Variants in ZNF385D observed in about 807,000 individuals in gnomAD.
The protein encoded by ZNF385D is zinc finger protein 385D, also known as zinc finger protein 659.
Under a neutral mutation model 35.8 loss-of-function variants are expected in ZNF385D, and 15 were observed. The ratio of observed to expected loss-of-function variants is 0.42; its 90% CI spans 0.28 to 0.64. The LOEUF is 0.64. Among genes scored for constraint, ZNF385D ranks in the 30% least tolerant of loss-of-function variants. The probability of loss-of-function intolerance (pLI) is 0.23; values close to 1 mark genes in which losing one functional copy is unlikely to be tolerated. For synonymous variants in ZNF385D, 212 were observed against 186.8 expected (o/e 1.13, Z -1.10); for missense variants, 474 against 494.6 (o/e 0.96, Z 0.39).
At chr3:22,222,801 T>A (rs1016263952) in intron 2 of ZNF385D, among the ~76,000 whole-genome samples, 4 of 152,198 alleles carry the variant, frequency 2.6e-5, no homozygotes, top group Non-Finnish European at 4.4e-5. Flanking sequence ...GCAGTTTAGA[T>A]AAAGAATGAC....
chr3:21,982,140 C>G (rs748149758), intron 3 of ZNF385D, among the ~76,000 whole-genome samples: 1 of 148,686 alleles, frequency 6.7e-6, no homozygotes, highest in Non-Finnish European at 1.5e-5. Flanking sequence ...AGGAGTAGCC[C>G]TGAATTTGTA....
chr3:22,212,161 C>A (rs1259115990), intron 2 of ZNF385D, among the ~76,000 whole-genome samples: 1 of 151,872 alleles, frequency 6.6e-6, no homozygotes, highest in Non-Finnish European at 1.5e-5. Flanking sequence ...CCAGTTATTC[C>A]CAGAAGAGTG....
At chr3:22,245,812 A>T (rs1559476100) in intron 2 of ZNF385D, among the ~76,000 whole-genome samples, 1 of 152,076 alleles carries the variant, frequency 6.6e-6, no homozygotes, top group Non-Finnish European at 1.5e-5. Flanking sequence ...AGGCAAGATG[A>T]TAAACTTCCT....
In ZNF385D at chr3:21,415,353, C is replaced by T. The variant is rs888830446; in HGVS notation, c.*5861G>A. ...TGTGAAATGATACAATTGTATGACCCAACTCAAACTGTTAGCATAATAGTC... is the reference window on the plus strand; with the variant it reads ...TGTGAAATGATACAATTGTATGACCTAACTCAAACTGTTAGCATAATAGTC... On this transcript the variant is annotated 3_prime_UTR_variant, in exon 8 of 8. Coordinates refer to ENST00000281523, the MANE Select transcript of ZNF385D (RefSeq NM_024697.3). 7.9e-5 allele frequency: 12 copies of T among 151,980 alleles called. No homozygotes were observed. The highest frequency in any genetic ancestry group is 1.3e-4 in the Non-Finnish European group (9 of 67,996). The allele number at this position is 151,980 out of a possible 1,614,324, so 9.4% of individuals were successfully genotyped here.
intron 3 of ZNF385D, among the ~76,000 whole-genome samples, chr3:21,993,258 A>C (rs1354577777): frequency 3.3e-5 from 5 of 152,204 alleles, no homozygotes; most frequent in Non-Finnish European, 5.9e-5. Flanking sequence ...AGAATGTTAC[A>C]AAACTCCAAG....
At position 21,597,360 on chromosome 3, in the gene ZNF385D, C is replaced by CAA. The variant is rs139400366; in HGVS notation, c.166-32678_166-32677dup. ...CAACGTATGTTAAAAACTGTTAATTCAAAAAAAAAAGAAAAATAAAAGAAT... is the reference window on the plus strand; with the variant it reads ...CAACGTATGTTAAAAACTGTTAATTCAAAAAAAAAAAAGAAAAATAAAAGAAT... On this transcript the variant is annotated intron_variant, in intron 2 of 7. Transcript: ENST00000281523. Among the ~76,000 whole-genome samples the CAA allele has an allele frequency of 8.9e-3, 1,292 of 145,944 alleles. 7 individuals are homozygous for CAA. Among genetic ancestry groups the CAA allele is most frequent in the Middle Eastern group, 0.014 (4 of 284 alleles).
At chr3:21,563,858 C>T (rs763636728) in intron 3 of ZNF385D, among the ~76,000 whole-genome samples, 3 of 152,194 alleles carry the variant, frequency 2.0e-5, no homozygotes, top group Middle Eastern at 3.4e-3. Flanking sequence ...AGAAGACATA[C>T]ATTTTTTTTT....
intron 3 of ZNF385D, among the ~76,000 whole-genome samples, chr3:22,156,383 A>C (rs992997972): frequency 6.6e-6 from 1 of 151,564 alleles, no homozygotes; most frequent in Admixed American, 6.6e-5. Flanking sequence ...TGGTGTACAC[A>C]GCCCCCCTGC....
chr3:21,424,036 C>T lies in ZNF385D; in HGVS notation c.881G>A (p.Arg294Lys). ...QHISSRRHKDRAAGKPPKPKY... is the reference protein window; with the variant it reads ...QHISSRRHKDKAAGKPPKPKY... ...AGGTTTCGGGGGCTTCCCAGCAGCT[C>T]TGTCTTTGTGCCTTCTACTGCTAAT... Residue 294 changes from arginine to lysine, a missense_variant, in exon 7 of 8, where the codon AGA becomes AAA. By Grantham distance (26) the Arg-to-Lys change is conservative. Coordinates refer to ENST00000281523, the MANE Select transcript of ZNF385D (RefSeq NM_024697.3). The T allele has an allele frequency of 6.2e-7, 1 of 1,601,980 alleles. No homozygotes were observed. Among genetic ancestry groups the T allele is most frequent in the Non-Finnish European group, 8.5e-7 (1 of 1,176,126 alleles).
At position 21,866,920 on chromosome 3, in the gene ZNF385D, G is replaced by A. The variant is rs189599869; in HGVS notation, c.326-201892C>T. ...ATCAGTGCCTATTAGAATGAAATGA[G>A]GAGACTTAAAAAATACCAAGGCCAG... On this transcript the variant is annotated intron_variant, in intron 3 of 5. Transcript: ENST00000494108. Among the ~76,000 whole-genome samples the A allele has an allele frequency of 5.0e-3, 757 of 152,200 alleles. 7 individuals are homozygous for A. Among genetic ancestry groups the A allele is most frequent in the African/African-American group, 0.018 (732 of 41,554 alleles).
At chr3:22,189,889 C>T (rs1356172974) in intron 2 of ZNF385D, among the ~76,000 whole-genome samples, 1 of 152,136 alleles carries the variant, frequency 6.6e-6, no homozygotes. Flanking sequence ...CAAGCATTTC[C>T]TTCCAAATGA....
At chr3:22,105,123 G>A (rs1249791393) in intron 3 of ZNF385D, among the ~76,000 whole-genome samples, 3 of 152,062 alleles carry the variant, frequency 2.0e-5, no homozygotes, top group South Asian at 2.1e-4. Flanking sequence ...ACAGTCTAAT[G>A]TACTTATCTA....
chr3:21,829,603 G>A (rs1362895008), intron 3 of ZNF385D, among the ~76,000 whole-genome samples: 1 of 149,506 alleles, frequency 6.7e-6, no homozygotes, highest in Non-Finnish European at 1.5e-5. Context: ...TCGAGAAGAT[G>A]ACTTTTCTTG....
At chr3:22,004,959 T>C (rs1696102231) in intron 3 of ZNF385D, among the ~76,000 whole-genome samples, 1 of 148,132 alleles carries the variant, frequency 6.8e-6, no homozygotes, top group Non-Finnish European at 1.5e-5. Context: ...TTTTCACAGA[T>C]GGGTGTCCTT....
At chr3:21,587,651 A>C (rs2063849364) in intron 2 of ZNF385D, among the ~76,000 whole-genome samples, 1 of 152,206 alleles carries the variant, frequency 6.6e-6, no homozygotes, top group Admixed American at 6.5e-5. Context: ...AGAGTTTTAA[A>C]ATGTGTTCAG....
chr3:21,425,399 A>G, intron 6 of ZNF385D, 93 bp downstream of exon 6: 1 of 1,345,486 alleles, frequency 7.4e-7, no homozygotes, highest in Non-Finnish European at 9.9e-7. Flanking sequence ...TGAATGGGAC[A>G]GAAAGACAGA....
intron 3 of ZNF385D, among the ~76,000 whole-genome samples, chr3:22,009,610 G>A (rs1445525182): frequency 1.5e-5 from 2 of 137,526 alleles, no homozygotes; most frequent in Non-Finnish European, 1.5e-5. Flanking sequence ...GCAACAGAGT[G>A]AGACTCTGTC....
intron 2 of ZNF385D, among the ~76,000 whole-genome samples, chr3:21,628,509 T>TA (rs57507160): frequency 0.19 from 29,215 of 151,668 alleles, 3,126 homozygotes; most frequent in African/African-American, 0.25. Flanking sequence ...ATCTAGATTT[T>TA]AAAAAAATCT....
intron 3 of ZNF385D, among the ~76,000 whole-genome samples, chr3:21,768,996 C>T (rs2070957849): frequency 2.0e-5 from 3 of 152,014 alleles, no homozygotes; most frequent in Non-Finnish European, 4.4e-5. Flanking sequence ...AAAACAAAAA[C>T]CGGGATTGTT....
Sources: allele counts gnomAD v4.1 joint callset (sites outside exome capture counted in the v4.1 genomes callset), GRCh38; gene constraint gnomAD v4.1.1; transcripts MANE v1.5; gene names NCBI Gene and HGNC (gene_info 2026-07-23, HGNC 2026-07-21).